Variants in PSEN1 observed in about 807,000 individuals in gnomAD.
The protein encoded by PSEN1 is presenilin 1, also known as presenilin-1.
In PSEN1, 15 loss-of-function variants were observed where a neutral mutation model predicts 53.5. That is an observed-to-expected ratio of 0.28 (90% CI 0.19 to 0.43). The LOEUF (loss-of-function observed/expected upper bound fraction) is 0.43, where lower values mean the gene tolerates loss of function less well. Ranked by LOEUF, PSEN1 falls within the 20% of genes least tolerant of loss-of-function variation. The pLI, the probability that PSEN1 is intolerant of heterozygous loss-of-function variation, is 1.00. For missense variants in PSEN1, 387 were observed against 571.2 expected, an observed-to-expected ratio of 0.68 and a Z score of 3.29; for synonymous variants, 208 against 209.8, an observed-to-expected ratio of 0.99 and a Z score of 0.08.
intron 5 of PSEN1, among the ~76,000 whole-genome samples, chr14:73,181,933 C>T (rs1353593895): frequency 6.6e-6 from 1 of 152,072 alleles, no homozygotes; most frequent in Non-Finnish European, 1.5e-5. Context: ...GCCACCACGC[C>T]TAGCTAATGT....
rs1900059483 is a variant in PSEN1, at chr14:73,219,396, C to G, written c.*107C>G. ...TCCACATCTAACAAAGTCAAGATTC[C>G]CGGCTGGACTTTTGCAGCTTCCTTC... On this transcript the variant is annotated 3_prime_UTR_variant, in exon 12 of 12. Transcript: ENST00000324501. 1.3e-5 allele frequency: 17 copies of G among 1,270,276 alleles called. No homozygotes were observed. The highest frequency in any genetic ancestry group is 1.9e-5 in the Non-Finnish European group (17 of 879,098). 78.7% of individuals were successfully genotyped at this position (1,270,276 alleles called of 1,614,324 possible). A position where few individuals can be genotyped will look rare whatever the true frequency, so the allele number is the denominator to read the frequency against.
At chr14:73,157,558 A>G (rs991497359) in intron 3 of PSEN1, among the ~76,000 whole-genome samples, 1 of 152,214 alleles carries the variant, frequency 6.6e-6, no homozygotes, top group Admixed American at 6.5e-5. Flanking sequence ...CCACCACCAC[A>G]GTTAAAATAA....
intron 6 of PSEN1, among the ~76,000 whole-genome samples, chr14:73,187,220 G>A (rs767156303): frequency 6.6e-6 from 1 of 152,146 alleles, no homozygotes; most frequent in African/African-American, 2.4e-5. Flanking sequence ...TTAAGAAAGG[G>A]TTTTAAGAAT....
chr14:73,151,629 C>T (rs1897226046), intron 3 of PSEN1, among the ~76,000 whole-genome samples: 1 of 151,974 alleles, frequency 6.6e-6, no homozygotes, highest in Admixed American at 6.6e-5. Flanking sequence ...AATCTAAACT[C>T]ACTGCAACCT....
Position 73,221,228 on chromosome 14 carries a change from T to G in PSEN1, c.*1939T>G, listed in dbSNP as rs1350931212. On this transcript the variant is annotated 3_prime_UTR_variant, in exon 12 of 12. Coordinates refer to ENST00000324501, the MANE Select transcript of PSEN1 (RefSeq NM_000021.4). ...AGTAGGTTCTATCATCTCAATTCATTTTTTTCCATGAAATCCCTTCTTCCA... is the reference window on the plus strand; with the variant it reads ...AGTAGGTTCTATCATCTCAATTCATGTTTTTCCATGAAATCCCTTCTTCCA... 1.3e-5 allele frequency: 2 copies of G among 152,180 alleles called. No homozygotes were observed. The highest frequency in any genetic ancestry group is 2.9e-5 in the Non-Finnish European group (2 of 68,030). The allele number at this position is 152,180 out of a possible 1,614,324, so 9.4% of individuals were successfully genotyped here.
At chr14:73,216,347 T>TA (rs1899912661) in intron 10 of PSEN1, among the ~76,000 whole-genome samples, 1 of 152,216 alleles carries the variant, frequency 6.6e-6, no homozygotes, top group South Asian at 2.1e-4. Context: ...ATTGTGATGA[T>TA]AGTTAAATTG....
chr14:73,196,425 G>A (rs1269903789), intron 7 of PSEN1, among the ~76,000 whole-genome samples: 1 of 143,512 alleles, frequency 7.0e-6, no homozygotes, highest in Non-Finnish European at 1.5e-5. Flanking sequence ...ATATTATATT[G>A]TACATATATA....
chr14:73,199,670 C>T (rs1899099868), intron 8 of PSEN1, among the ~76,000 whole-genome samples: 1 of 152,262 alleles, frequency 6.6e-6, no homozygotes, highest in Admixed American at 6.5e-5. Flanking sequence ...TGCCATATTG[C>T]CTCCTAAAAA....
intron 3 of PSEN1, among the ~76,000 whole-genome samples, chr14:73,166,967 C>T (rs1476077063): frequency 6.6e-6 from 1 of 152,100 alleles, no homozygotes. Context: ...TTTTGTATTG[C>T]TATAACAGAA....
chr14:73,164,600 G>A lies in PSEN1; in HGVS notation c.88-6197G>A, dbSNP rs142112766. ...AGATGAAGACACTGAAGTTCAAAGA[G>A]GTTAAATAACTCGCCCCAAATCACA... is the stretch of plus-strand genomic sequence containing the variant. On this transcript the variant is annotated intron_variant, in intron 3 of 11. Transcript: ENST00000324501. 7.5e-4 allele frequency among the ~76,000 whole-genome samples: 114 copies of A among 152,250 alleles called. 1 individual carries two copies. Among genetic ancestry groups the A allele is most frequent in the African/African-American group, 2.6e-3 (109 of 41,554 alleles).
chr14:73,160,339 T>A (rs1897492510), intron 3 of PSEN1, among the ~76,000 whole-genome samples: 1 of 152,286 alleles, frequency 6.6e-6, no homozygotes, highest in African/African-American at 2.4e-5. Context: ...TGAATAATGC[T>A]ATGGTGAAAG....
rs199740663 is a variant in PSEN1, at chr14:73,211,861, C to T, written c.1048C>T (p.Pro350Ser). The change falls in exon 10 of 12, where the codon CCT becomes TCT. Residue 350 changes from proline to serine, a missense_variant. Coordinates refer to ENST00000324501, the MANE Select transcript of PSEN1 (RefSeq NM_000021.4). Reference protein sequence around the residue: ...WEAQRDSHLGPHRSTPESRAA... With the variant: ...WEAQRDSHLGSHRSTPESRAA... ...AGCCCAGAGGGACAGTCATCTAGGG[C>T]CTCATCGCTCTACACCTGAGTCACG... is the stretch of plus-strand genomic sequence containing the variant. The T allele has an allele frequency of 6.2e-7, 1 of 1,613,912 alleles. No homozygotes were observed. Among genetic ancestry groups the T allele is most frequent in the Admixed American group, 1.7e-5 (1 of 59,986 alleles).
intron 3 of PSEN1, among the ~76,000 whole-genome samples, chr14:73,156,785 C>A (rs1897368567): frequency 6.6e-6 from 1 of 151,888 alleles, no homozygotes; most frequent in Admixed American, 6.6e-5. Context: ...GCCTCAGCCT[C>A]CAGAGTAGCT....
chr14:73,205,074 T>G (rs750074618), intron 8 of PSEN1, among the ~76,000 whole-genome samples: 1 of 152,178 alleles, frequency 6.6e-6, no homozygotes, highest in Non-Finnish European at 1.5e-5. Flanking sequence ...CTTCTTTGAT[T>G]GTGTGTTTCT....
intron 8 of PSEN1, among the ~76,000 whole-genome samples, chr14:73,198,880 C>A (rs890849784): frequency 1.3e-5 from 2 of 152,090 alleles, no homozygotes; most frequent in East Asian, 3.8e-4. Context: ...CTCAGGTGAT[C>A]CACCCACCTC....
chr14:73,148,945 TAAAC>T (rs1255002510), intron 3 of PSEN1, among the ~76,000 whole-genome samples: 2 of 151,234 alleles, frequency 1.3e-5, no homozygotes, highest in South Asian at 4.2e-4. Flanking sequence ...AATAAATAAA[TAAAC>T]AATAAATAAA....
intron 1 of PSEN1, among the ~76,000 whole-genome samples, chr14:73,138,305 G>A (rs1253747286): frequency 2.6e-5 from 4 of 151,408 alleles, no homozygotes; most frequent in African/African-American, 9.7e-5. Flanking sequence ...TGCAAGCTCC[G>A]CCTCCCGGGT....
chr14:73,142,473 G>C (rs1305002881), intron 1 of PSEN1, among the ~76,000 whole-genome samples: 1 of 152,156 alleles, frequency 6.6e-6, no homozygotes, highest in African/African-American at 2.4e-5. Context: ...TTTTTCCACA[G>C]TAGAAATTTT....
intron 3 of PSEN1, among the ~76,000 whole-genome samples, chr14:73,165,078 TC>T (rs1029617344): frequency 5.3e-5 from 8 of 152,038 alleles, no homozygotes; most frequent in African/African-American, 1.9e-4. Context: ...TGCCTCAGCC[TC>T]CCAAGTAGCT....
Sources: gnomAD v4.1 joint callset for allele counts (sites outside exome capture counted in the v4.1 genomes callset) on GRCh38, gnomAD v4.1.1 for gene constraint, MANE v1.5 for transcripts, NCBI Gene and HGNC (gene_info 2026-07-23, HGNC 2026-07-21) for gene names.